SLC9A2: variants seen among roughly 807,000 people sequenced by gnomAD.
SLC9A2 encodes the protein sodium/hydrogen exchanger 2.
SLC9A2 carries 42 observed loss-of-function variants against 71.7 expected under a neutral mutation model. That is an observed-to-expected ratio of 0.59 (90% CI 0.46 to 0.76). The LOEUF (loss-of-function observed/expected upper bound fraction) is 0.76. SLC9A2 is among the 30% of genes least tolerant of loss of function. The pLI is 0.00. For synonymous variants in SLC9A2, 396 were observed against 392.5 expected, an observed-to-expected ratio of 1.01 and a Z score of -0.10; for missense variants, 829 against 1,017.4, an observed-to-expected ratio of 0.81 and a Z score of 2.52.
chr2:102,661,163 A>G (rs1375026158), intron 2 of SLC9A2, among the ~76,000 whole-genome samples: 2 of 152,262 alleles, frequency 1.3e-5, no homozygotes, highest in African/African-American at 4.8e-5. Context: ...TAAATGTTGC[A>G]TGAAAACTTT....
At chr2:102,649,167 C>G (rs1676785279) in intron 1 of SLC9A2, among the ~76,000 whole-genome samples, 1 of 152,144 alleles carries the variant, frequency 6.6e-6, no homozygotes, top group South Asian at 2.1e-4. Context: ...AGAAATAACA[C>G]CACACATCTA....
intron 3 of SLC9A2, among the ~76,000 whole-genome samples, chr2:102,669,082 G>C (rs1443190029): frequency 6.6e-6 from 1 of 152,202 alleles, no homozygotes; most frequent in Non-Finnish European, 1.5e-5. Flanking sequence ...GATGGAAGCA[G>C]TGCACCTCGG....
chr2:102,625,276 C>G (rs1331454007), intron 1 of SLC9A2, among the ~76,000 whole-genome samples: 2 of 152,144 alleles, frequency 1.3e-5, no homozygotes, highest in Non-Finnish European at 2.9e-5. Context: ...TGCCACTACA[C>G]TTTACTTCTG....
At chr2:102,666,486 C>T (rs374877781) in intron 3 of SLC9A2, among the ~76,000 whole-genome samples, 4 of 152,092 alleles carry the variant, frequency 2.6e-5, no homozygotes, top group Non-Finnish European at 4.4e-5. Flanking sequence ...TGTGAGCCAC[C>T]GCGCCCAGCC....
chr2:102,651,936 TG>T (rs1676843108), intron 1 of SLC9A2, among the ~76,000 whole-genome samples: 1 of 25,188 alleles, frequency 4.0e-5, no homozygotes, highest in African/African-American at 1.8e-4. Context: ...TAAGGGTTTT[TG>T]TTGTTGTTGT....
chr2:102,668,966 C>T (rs1375929298), intron 3 of SLC9A2, among the ~76,000 whole-genome samples: 1 of 152,116 alleles, frequency 6.6e-6, no homozygotes, highest in Non-Finnish European at 1.5e-5. Flanking sequence ...GAAAAAGAAA[C>T]AATCTTCTGA....
At chr2:102,621,352 GAAAAAAAA>G (rs768118079) in intron 1 of SLC9A2, among the ~76,000 whole-genome samples, 7 of 109,536 alleles carry the variant, frequency 6.4e-5, no homozygotes, top group African/African-American at 7.0e-5. Context: ...TTGTCTCAGG[GAAAAAAAA>G]AAAAAAAAAA....
intron 8 of SLC9A2, among the ~76,000 whole-genome samples, chr2:102,702,047 A>G (rs1677883241): frequency 6.6e-6 from 1 of 152,188 alleles, no homozygotes. Context: ...TGAAAACTTA[A>G]TGGTAAATTG....
At chr2:102,690,522 C>T (rs543474243) in intron 5 of SLC9A2, among the ~76,000 whole-genome samples, 15 of 151,984 alleles carry the variant, frequency 9.9e-5, no homozygotes, top group Non-Finnish European at 1.9e-4. Context: ...GATGGGAGCA[C>T]GTTTGGAGAC....
At chr2:102,689,180 C>T (rs1677611300) in intron 5 of SLC9A2, among the ~76,000 whole-genome samples, 1 of 152,168 alleles carries the variant, frequency 6.6e-6, no homozygotes, top group Non-Finnish European at 1.5e-5. Context: ...ACCTCCTTGT[C>T]CCATGGGGGT....
chr2:102,627,151 CAATAA>C (rs1558699652), intron 1 of SLC9A2, among the ~76,000 whole-genome samples: 1 of 56,088 alleles, frequency 1.8e-5, no homozygotes, highest in Non-Finnish European at 5.0e-5. Context: ...ACAACAACAA[CAATAA>C]CAACAACAAA....
intron 1 of SLC9A2, among the ~76,000 whole-genome samples, chr2:102,643,830 A>T (rs565783612): frequency 1.3e-5 from 2 of 151,676 alleles, no homozygotes; most frequent in African/African-American, 4.8e-5. Context: ...GAGTGCAGTG[A>T]TTATTCATAG....
intron 7 of SLC9A2, among the ~76,000 whole-genome samples, chr2:102,700,200 T>C (rs1677847034): frequency 1.3e-5 from 2 of 152,162 alleles, no homozygotes; most frequent in Admixed American, 1.3e-4. Context: ...GGATGCCCCA[T>C]AGATATCCAA....
chr2:102,653,528 G>C (rs534355704), intron 1 of SLC9A2, among the ~76,000 whole-genome samples: 1 of 152,262 alleles, frequency 6.6e-6, no homozygotes, highest in East Asian at 1.9e-4. Context: ...CCGAGTTTCT[G>C]GTCAGGATCA....
chr2:102,667,913 A>T (rs1038211607), intron 3 of SLC9A2, among the ~76,000 whole-genome samples: 1 of 151,860 alleles, frequency 6.6e-6, no homozygotes, highest in Non-Finnish European at 1.5e-5. Flanking sequence ...CTACTAAAAA[A>T]AAAATACAAA....
At chr2:102,707,977 TA>T in intron 11 of SLC9A2, 141 bp from the exon 12 acceptor site, 1 of 860,952 alleles carries the variant, frequency 1.2e-6, no homozygotes, top group Non-Finnish European at 1.8e-6. Context: ...GCCACTCACC[TA>T]AAATTAGCAT....
At chr2:102,680,191 A>G (rs1231534668) in intron 3 of SLC9A2, among the ~76,000 whole-genome samples, 1 of 152,186 alleles carries the variant, frequency 6.6e-6, no homozygotes. Context: ...TACCTAAAAA[A>G]GCAACATTTT....
intron 1 of SLC9A2, among the ~76,000 whole-genome samples, chr2:102,654,502 G>A (rs1676900410): frequency 6.6e-6 from 1 of 152,086 alleles, no homozygotes; most frequent in Non-Finnish European, 1.5e-5. Context: ...TTATTTAACA[G>A]TTCTTTAAAC....
chr2:102,679,288 C>A (rs548886382), intron 3 of SLC9A2, among the ~76,000 whole-genome samples: 1 of 152,094 alleles, frequency 6.6e-6, no homozygotes, highest in East Asian at 1.9e-4. Context: ...CTCTTGGTAT[C>A]GTGTTAAGGA....
Sources: allele counts gnomAD v4.1 joint callset (sites outside exome capture counted in the v4.1 genomes callset), GRCh38; gene constraint gnomAD v4.1.1; transcripts MANE v1.5; gene names NCBI Gene and HGNC (gene_info 2026-07-23, HGNC 2026-07-21).